The following POLH variants were observed in gnomAD, a reference collection of about 807,000 sequenced individuals.
POLH encodes the protein DNA polymerase eta transcript.
In POLH, 53 loss-of-function variants were observed where a neutral mutation model predicts 73.6. That is an observed-to-expected ratio of 0.72 (90% CI 0.58 to 0.91). The LOEUF (loss-of-function observed/expected upper bound fraction) is 0.91, where lower values mean the gene tolerates loss of function less well. Among genes scored for constraint, POLH ranks in the 40% least tolerant of loss-of-function variants. POLH has a pLI of 0.00. For missense variants in POLH, 768 were observed against 865.4 expected (o/e 0.89, Z 1.41); for synonymous variants, 292 against 308.5 (o/e 0.95, Z 0.56).
At chr6:43,584,483 A>C (rs1764596376) in intron 3 of POLH, among the ~76,000 whole-genome samples, 2 of 152,166 alleles carry the variant, frequency 1.3e-5, no homozygotes, top group African/African-American at 4.8e-5. Flanking sequence ...TTTTAGAAAA[A>C]CTCAAACTAT....
intron 9 of POLH, among the ~76,000 whole-genome samples, chr6:43,607,871 C>T (rs933946359): frequency 1.3e-5 from 2 of 152,114 alleles, no homozygotes; most frequent in African/African-American, 2.4e-5. Flanking sequence ...CTGGGCCGGG[C>T]GTGGTGGCTC....
At position 43,587,330 on chromosome 6, in the gene POLH, C is replaced by T. The variant is rs375000061; in HGVS notation, c.331C>T (p.Arg111Cys). 1.9e-5 allele frequency: 31 copies of T among 1,613,992 alleles called. No homozygotes were observed. In the East Asian group the frequency reaches 3.1e-4, roughly 16 times the overall value. ...EIMSRFAVIERASIDEAYVDL... is the reference protein window; with the variant it reads ...EIMSRFAVIECASIDEAYVDL... The stretch of plus-strand genomic sequence containing the variant: ...AATGTCTCGTTTTGCTGTGATTGAA[C>T]GTGCCAGCATTGATGAGGCTTACGT... Residue 111 changes from arginine (R) to cysteine (C), a missense_variant, in exon 4 of 11, where the codon CGT (arginine) becomes TGT (cysteine). By Grantham distance (180) the Arg-to-Cys change is radical (BLOSUM62 -3). Transcript: ENST00000372236.
chr6:43,600,909 G>C (rs1210903686), intron 5 of POLH, 79 bp from the exon 6 acceptor site: 2 of 857,776 alleles, frequency 2.3e-6, no homozygotes, highest in Non-Finnish European at 4.1e-6. Flanking sequence ...CTGTGTGTGT[G>C]TATGTTATGT....
intron 4 of POLH, among the ~76,000 whole-genome samples, chr6:43,595,388 G>A (rs1474208872): frequency 6.6e-6 from 1 of 151,906 alleles, no homozygotes; most frequent in Non-Finnish European, 1.5e-5. Context: ...GCCTGCCTTG[G>A]CCTCCCAAAG....
At chr6:43,583,180 C>G in intron 3 of POLH, 39 bp downstream of exon 3, 1 of 1,580,228 alleles carries the variant, frequency 6.3e-7, no homozygotes, top group South Asian at 1.1e-5. Flanking sequence ...ATAAAGGAGT[C>G]GAAAATAATA....
At chr6:43,595,706 C>A (rs1765972074) in intron 4 of POLH, among the ~76,000 whole-genome samples, 1 of 152,018 alleles carries the variant, frequency 6.6e-6, no homozygotes, top group Non-Finnish European at 1.5e-5. Flanking sequence ...TGGCGTGGAC[C>A]CAGGAGGTGA....
In POLH at chr6:43,587,276, C is replaced by G; in HGVS notation, c.277C>G (p.Arg93Gly). The G allele has an allele frequency of 1.2e-6, 2 of 1,613,020 alleles. No individual in the cohort carries two copies. Among genetic ancestry groups the G allele is most frequent in the Non-Finnish European group, 1.7e-6 (2 of 1,179,026 alleles). The change falls in exon 4 of 11, where the codon CGG becomes GGG. Residue 93 changes from arginine (R) to glycine (G), a missense_variant. Coordinates refer to ENST00000372236, the MANE Select transcript of POLH (RefSeq NM_006502.3). ...SRGKANLTKY[R>G]EASVEVMEIM... The stretch of plus-strand genomic sequence containing the variant: ...AATGATCCTTATACTTCTTAGGTAC[C>G]GGGAAGCCAGTGTTGAAGTGATGGA...
At chr6:43,580,951 C>T (rs1205728522) in intron 1 of POLH, among the ~76,000 whole-genome samples, 2 of 147,932 alleles carry the variant, frequency 1.4e-5, no homozygotes, top group African/African-American at 2.5e-5. Flanking sequence ...CTGACCCCCC[C>T]ACCTCCCTCC....
Position 43,604,651 on chromosome 6 carries a change from T to C in POLH, c.921T>C (p.His307=), listed in dbSNP as rs1767082479. 4 of 1,614,064 alleles carry C rather than the reference T, an allele frequency of 2.5e-6. No individual in the cohort carries two copies. In the Admixed American group the frequency reaches 5.0e-5, roughly 20 times the overall value. Residue 307 remains histidine (H), a synonymous_variant, in exon 8 of 11, where the codon CAT becomes CAC. Coordinates refer to ENST00000372236, the MANE Select transcript of POLH (RefSeq NM_006502.3). ...ATGCCATGTGCCGAGGGATTGAACATGATCCAGTTAAACCCAGGCAACTAC... is the reference window on the plus strand; with the variant it reads ...ATGCCATGTGCCGAGGGATTGAACACGATCCAGTTAAACCCAGGCAACTAC... ...WLYAMCRGIE[H]DPVKPRQLPK...
At chr6:43,612,368 C>T (rs561778629) in intron 10 of POLH, among the ~76,000 whole-genome samples, 19 of 141,090 alleles carry the variant, frequency 1.3e-4, no homozygotes, top group Non-Finnish European at 2.3e-4. Context: ...TTTTTTGAGA[C>T]GGAATCTCGC....
At chr6:43,581,780 G>A (rs1363727066) in intron 1 of POLH, among the ~76,000 whole-genome samples, 1 of 150,226 alleles carries the variant, frequency 6.7e-6, no homozygotes, top group South Asian at 2.1e-4. Flanking sequence ...GCACTGCCCC[G>A]GGCCGCAGCG....
At chr6:43,601,260 T>TTTTA (rs1210316931) in intron 6 of POLH, among the ~76,000 whole-genome samples, 169 bp downstream of exon 6, 3 of 152,052 alleles carry the variant, frequency 2.0e-5, no homozygotes, top group Non-Finnish European at 4.4e-5. Context: ...AGACTTTTAT[T>TTTTA]TTTATTTATT....
chr6:43,598,735 G>T (rs918973974), intron 5 of POLH, among the ~76,000 whole-genome samples: 3 of 152,014 alleles, frequency 2.0e-5, no homozygotes, highest in Non-Finnish European at 4.4e-5. Context: ...AATTAGAGAT[G>T]ATTTAAAGTA....
intron 4 of POLH, among the ~76,000 whole-genome samples, chr6:43,589,774 C>A (rs1208667210): frequency 6.6e-6 from 1 of 151,804 alleles, no homozygotes; most frequent in East Asian, 1.9e-4. Context: ...CCTCCCACCT[C>A]AGCCTCCAGA....
intron 1 of POLH, among the ~76,000 whole-genome samples, chr6:43,577,810 C>T (rs549983352): frequency 2.0e-5 from 3 of 152,324 alleles, no homozygotes; most frequent in East Asian, 3.9e-4. Context: ...CCCGGCCTGG[C>T]GCGGTGGCAC....
chr6:43,599,737 C>T (rs1766517597), intron 5 of POLH, among the ~76,000 whole-genome samples: 1 of 151,090 alleles, frequency 6.6e-6, no homozygotes, highest in African/African-American at 2.4e-5. Flanking sequence ...TAACGAATCT[C>T]TCTAATGAAT....
At position 43,620,242 on chromosome 6, in the gene POLH, T is replaced by C. The variant is rs780073979; in HGVS notation, c.*5685T>C. 5 of 516,064 alleles carry C rather than the reference T, an allele frequency of 9.7e-6. No homozygotes were observed. The highest frequency in any genetic ancestry group is 7.9e-5 in the Admixed American group (4 of 50,522). 32.0% of individuals were successfully genotyped at this position (516,064 alleles called of 1,614,324 possible). A position where few individuals can be genotyped will look rare whatever the true frequency, so the allele number is the denominator to read the frequency against. On this transcript the variant is annotated 3_prime_UTR_variant, in exon 11 of 11. Transcript: ENST00000372236. The stretch of plus-strand genomic sequence containing the variant: ...GCCAACTCTTCAAATACAGGGTAGC[T>C]ACCTATTTCACGTGAAAGGCCTCAG...
chr6:43,594,152 C>T (rs9333528), intron 4 of POLH, among the ~76,000 whole-genome samples: 3,231 of 152,030 alleles, frequency 0.021, 108 homozygotes, highest in African/African-American at 0.072. Context: ...TGCAACATTA[C>T]CCAATCTGGG....
chr6:43,604,704 TC>T lies in POLH; in HGVS notation c.977del (p.Pro326GlnfsTer19), dbSNP rs1443213023. 1 of 1,614,104 alleles carries T rather than the reference TC, an allele frequency of 6.2e-7. No individual in the cohort carries two copies. The highest frequency in any genetic ancestry group is 1.1e-5 in the South Asian group (1 of 91,076). ...LPKTIGCSKN[F>X]PGKTALATRE... Reference sequence around the variant, plus strand: ...AAAACCATTGGCTGTAGTAAGAACTTCCCAGGAAAAACAGCTCTTGCTACTC... The same window carrying T: ...AAAACCATTGGCTGTAGTAAGAACTTCCAGGAAAAACAGCTCTTGCTACTC... On this transcript the variant is annotated frameshift_variant, in exon 8 of 11. Transcript: ENST00000372236. LOFTEE classifies it high-confidence loss of function.
Sources: allele counts gnomAD v4.1 joint callset (sites outside exome capture counted in the v4.1 genomes callset), GRCh38; gene constraint gnomAD v4.1.1; transcripts MANE v1.5; gene names NCBI Gene and HGNC (gene_info 2026-07-23, HGNC 2026-07-21).